The following SDK1 variants were observed in gnomAD, a reference collection of about 807,000 sequenced individuals.
SDK1 encodes sidekick cell adhesion molecule 1.
Under a neutral mutation model 245.5 loss-of-function variants are expected in SDK1, and 157 were observed. The ratio of observed to expected loss-of-function variants is 0.64; its 90% CI spans 0.56 to 0.73. SDK1 has a LOEUF of 0.73. Ranked by LOEUF, SDK1 falls within the 30% of genes least tolerant of loss-of-function variation. SDK1 has a pLI of 0.00. For missense variants in SDK1, 3,583 were observed against 3,002.3 expected (o/e 1.19, Z -4.52); for synonymous variants, 1,647 against 1,278.5 (o/e 1.29, Z -6.15).
intron 30 of SDK1, among the ~76,000 whole-genome samples, chr7:4,150,893 G>C (rs1456077062): frequency 6.6e-6 from 1 of 152,254 alleles, no homozygotes. Context: ...GGCCGACCGG[G>C]CGTCTCAGTA....
At chr7:3,967,208 A>G (rs1782143082) in intron 9 of SDK1, 110 bp from the exon 10 acceptor site, 1 of 805,818 alleles carries the variant, frequency 1.2e-6, no homozygotes, top group Non-Finnish European at 2.1e-6. Context: ...TTGTATTGCT[A>G]CAGTTACCTC....
chr7:3,825,011 C>T (rs573379269), intron 5 of SDK1, among the ~76,000 whole-genome samples: 1 of 152,122 alleles, frequency 6.6e-6, no homozygotes, highest in African/African-American at 2.4e-5. Context: ...GCTGCCATCC[C>T]AGGGGTGGAT....
At chr7:3,512,006 C>G (rs1461776034) in intron 1 of SDK1, among the ~76,000 whole-genome samples, 1 of 151,376 alleles carries the variant, frequency 6.6e-6, no homozygotes, top group East Asian at 1.9e-4. Flanking sequence ...AGAATTCACT[C>G]TTGATATTGT....
intron 1 of SDK1, among the ~76,000 whole-genome samples, chr7:3,346,383 A>G (rs929338558): frequency 6.6e-6 from 1 of 151,940 alleles, no homozygotes; most frequent in African/African-American, 2.4e-5. Flanking sequence ...CTTTCTTCCT[A>G]GGCTTGTCTC....
chr7:3,727,149 A>T (rs553598976), intron 4 of SDK1, among the ~76,000 whole-genome samples: 32 of 152,344 alleles, frequency 2.1e-4, no homozygotes, highest in African/African-American at 7.5e-4. Context: ...TGATTTTCAC[A>T]ATTTTCACTT....
intron 1 of SDK1, among the ~76,000 whole-genome samples, chr7:3,419,056 T>C (rs1362355951): frequency 6.6e-6 from 1 of 152,258 alleles, no homozygotes; most frequent in African/African-American, 2.4e-5. Context: ...ACATGGTTTT[T>C]GTGTCCCATG....
chr7:4,060,884 T>C (rs1366541629), intron 19 of SDK1, among the ~76,000 whole-genome samples: 4 of 151,904 alleles, frequency 2.6e-5, no homozygotes, highest in Non-Finnish European at 4.4e-5. Context: ...CCCAGCACCA[T>C]TTATTAAATA....
intron 5 of SDK1, among the ~76,000 whole-genome samples, chr7:3,872,359 T>TAG (rs904387788): frequency 6.6e-6 from 1 of 152,128 alleles, no homozygotes; most frequent in African/African-American, 2.4e-5. Flanking sequence ...AGATATCGTA[T>TAG]AGAGTTGTTA....
chr7:3,861,163 T>A (rs1184469260), intron 5 of SDK1, among the ~76,000 whole-genome samples: 1 of 152,170 alleles, frequency 6.6e-6, no homozygotes, highest in African/African-American at 2.4e-5. Flanking sequence ...TGTCCTCGTG[T>A]CAACTGGAAA....
At chr7:4,003,643 C>G (rs1785240157) in intron 14 of SDK1, among the ~76,000 whole-genome samples, 3 of 152,256 alleles carry the variant, frequency 2.0e-5, no homozygotes, top group South Asian at 4.1e-4. Context: ...CACATCACAT[C>G]AAGGGTGAAC....
chr7:4,231,420 C>T (rs1441258026), intron 40 of SDK1, among the ~76,000 whole-genome samples: 1 of 150,610 alleles, frequency 6.6e-6, no homozygotes, highest in African/African-American at 2.4e-5. Context: ...AAAAAATTAA[C>T]AACTTAGCCA....
At chr7:3,379,815 GA>G (rs1333699148) in intron 1 of SDK1, among the ~76,000 whole-genome samples, 11 of 58,734 alleles carry the variant, frequency 1.9e-4, no homozygotes, top group African/African-American at 1.6e-3. Context: ...AAAACTTCTT[GA>G]GCCACCTACA....
chr7:3,870,760 A>G (rs1212600762), intron 5 of SDK1, among the ~76,000 whole-genome samples: 1 of 152,210 alleles, frequency 6.6e-6, no homozygotes, highest in African/African-American at 2.4e-5. Flanking sequence ...TACAGAGTTT[A>G]TGTAGATTTT....
rs1003803656 is a variant in SDK1 at position 4,221,124 on chromosome 7, G to A, written c.5702-115G>A. On this transcript the variant is annotated intron_variant, in intron 39 of 44. Transcript: ENST00000404826. ...CTGGGTGCGTGAGGTTAAGTAACCT[G>A]CCCAGACACTCTGCAGCCTCGACCG... 31 of 1,294,886 alleles carry A rather than the reference G, an allele frequency of 2.4e-5. No individual in the cohort carries two copies. The African/African-American group carries it at 4.1e-4, about 17-fold the overall frequency. 80.2% of individuals were successfully genotyped at this position (1,294,886 alleles called of 1,614,324 possible). A position where few individuals can be genotyped will look rare whatever the true frequency, so the allele number is the denominator to read the frequency against.
At chr7:3,814,292 A>C (rs1223531650) in intron 4 of SDK1, among the ~76,000 whole-genome samples, 1 of 149,548 alleles carries the variant, frequency 6.7e-6, no homozygotes, top group Admixed American at 6.7e-5. Flanking sequence ...TTTTTGTATA[A>C]GGTGTAAGGA....
chr7:4,153,623 A>T (rs1195239607), intron 30 of SDK1, among the ~76,000 whole-genome samples: 1 of 152,162 alleles, frequency 6.6e-6, no homozygotes, highest in Admixed American at 6.6e-5. Flanking sequence ...GGCCAAGGAT[A>T]TGATACATGA....
chr7:4,056,322 G>C (rs1270089124), intron 19 of SDK1, among the ~76,000 whole-genome samples: 4 of 152,118 alleles, frequency 2.6e-5, no homozygotes, highest in Non-Finnish European at 1.5e-5. Flanking sequence ...TAAAAGGAAA[G>C]TTTGGAGCCT....
intron 1 of SDK1, among the ~76,000 whole-genome samples, chr7:3,471,258 T>C (rs377197854): frequency 5.9e-5 from 9 of 152,282 alleles, no homozygotes; most frequent in African/African-American, 9.6e-5. Context: ...CATTTTCTTA[T>C]AATTGGTTTG....
Position 3,479,158 on chromosome 7 carries a change from C to A in SDK1, c.299-139922C>A, listed in dbSNP as rs148337169. 1.1e-4 allele frequency among the ~76,000 whole-genome samples: 16 copies of A among 152,136 alleles called. No individual in the cohort carries two copies. In the East Asian group the frequency reaches 3.1e-3, roughly 29 times the overall value. ...TTCAGGCTGGGTGTGGCAGCTCACA[C>A]CTGTTGTAATCCTAGCACTTTGGGA... On this transcript the variant is annotated intron_variant, in intron 1 of 44. Transcript: ENST00000404826.
Sources: gnomAD v4.1 joint callset for allele counts (sites outside exome capture counted in the v4.1 genomes callset) on GRCh38, gnomAD v4.1.1 for gene constraint, MANE v1.5 for transcripts, NCBI Gene and HGNC (gene_info 2026-07-23, HGNC 2026-07-21) for gene names.